Variants in PRKDC observed in about 807,000 individuals in gnomAD.
PRKDC encodes protein kinase, DNA-activated, catalytic subunit, also known as DNA-dependent protein kinase catalytic subunit.
PRKDC carries 82 observed loss-of-function variants against 486.9 expected under a neutral mutation model. The observed-to-expected ratio is 0.17, with a 90% CI of 0.14 to 0.20. PRKDC has a LOEUF of 0.20. PRKDC is among the 10% of genes least tolerant of loss of function. The pLI is 1.00. For missense variants in PRKDC, 4,504 were observed against 5,038.2 expected (o/e 0.89, Z 3.21); for synonymous variants, 1,895 against 1,837.0 (o/e 1.03, Z -0.81).
At chr8:47,936,782 A>ATT (rs869164665) in intron 11 of PRKDC, among the ~76,000 whole-genome samples, 3 of 128,674 alleles carry the variant, frequency 2.3e-5, no homozygotes, top group African/African-American at 8.6e-5. Flanking sequence ...ACGCCTGGCT[A>ATT]TTTTTTTTTT....
At chr8:47,776,804 T>C in intron 85 of PRKDC, 40 bp downstream of exon 85, 1 of 1,609,974 alleles carries the variant, frequency 6.2e-7, no homozygotes, top group Non-Finnish European at 8.5e-7. Context: ...CAGTAGCATG[T>C]CGGTAGTCCG....
intron 77 of PRKDC, chr8:47,784,134 T>G (rs1371914808): frequency 1.7e-5 from 4 of 233,942 alleles, no homozygotes; most frequent in Non-Finnish European, 8.5e-6. Flanking sequence ...GGTGGGCGCC[T>G]ATAGTCCCAG....
chr8:47,949,768 A>G (rs2090597277), intron 7 of PRKDC, among the ~76,000 whole-genome samples: 2 of 152,186 alleles, frequency 1.3e-5, no homozygotes, highest in Non-Finnish European at 2.9e-5. Context: ...AGGAGAGAGG[A>G]GAGAGAAGAC....
At chr8:47,797,815 G>A (rs980575327) in intron 73 of PRKDC, among the ~76,000 whole-genome samples, 10 of 152,210 alleles carry the variant, frequency 6.6e-5, no homozygotes, top group African/African-American at 2.4e-4. Flanking sequence ...TGGACACCGT[G>A]CTGCTGGCAG....
chr8:47,873,693 T>C (rs1032599787), intron 40 of PRKDC, among the ~76,000 whole-genome samples: 1 of 152,204 alleles, frequency 6.6e-6, no homozygotes, highest in Non-Finnish European at 1.5e-5. Flanking sequence ...AATGAGATAC[T>C]GTCATTTGGA....
At chr8:47,807,729 T>C (rs2087246435) in intron 68 of PRKDC, among the ~76,000 whole-genome samples, 1 of 151,682 alleles carries the variant, frequency 6.6e-6, no homozygotes, top group Non-Finnish European at 1.5e-5. Flanking sequence ...ACTTATTTTT[T>C]TTTTGAGATG....
intron 44 of PRKDC, among the ~76,000 whole-genome samples, chr8:47,861,581 T>C (rs1335358620): frequency 1.3e-5 from 2 of 152,182 alleles, no homozygotes; most frequent in Admixed American, 1.3e-4. Flanking sequence ...CCATTTCCAA[T>C]GGGTGCTGAA....
Position 47,879,522 on chromosome 8 carries a change from C to T in PRKDC, c.5204G>A (p.Arg1735Gln), listed in dbSNP as rs756568122. 23 of 1,596,202 alleles carry T rather than the reference C, an allele frequency of 1.4e-5. No homozygotes were observed. The highest frequency in any genetic ancestry group is 1.9e-5 in the Non-Finnish European group (22 of 1,171,022). The change falls in exon 39 of 86, where the codon CGG becomes CAG. Residue 1735 changes from arginine (R) to glutamine (Q), a missense_variant. Arg to Gln is a conservative substitution (Grantham distance 43). Coordinates refer to ENST00000314191, the MANE Select transcript of PRKDC (RefSeq NM_006904.7). Reference protein sequence around the residue: ...QSREFPPGTPRFNNYVDCMKK... With the variant: ...QSREFPPGTPQFNNYVDCMKK... ...CATGCAGTCCACATAATTATTGAAC[C>T]GCGGAGTTCCTGGAGGAAATTCCCT...
chr8:47,838,561 A>G (rs1192077772), intron 56 of PRKDC, among the ~76,000 whole-genome samples: 1 of 151,422 alleles, frequency 6.6e-6, no homozygotes, highest in Non-Finnish European at 1.5e-5. Flanking sequence ...ACAGTGAGCT[A>G]CAGTTACACT....
At position 47,904,880 on chromosome 8, in the gene PRKDC, C is replaced by G; in HGVS notation, c.3031G>C (p.Glu1011Gln). 6.3e-7 allele frequency: 1 copy of G among 1,599,076 alleles called. No individual in the cohort carries two copies. The highest frequency in any genetic ancestry group is 8.6e-7 in the Non-Finnish European group (1 of 1,167,396). ...CAACTATTACTTACCAATATAGCTT[C>G]TAGTAAGGCAACAGTATCCTGACTT... The part of the protein sequence containing the change: ...FESQDTVALL[E>Q]AILDGIVDPV... Residue 1011 changes from glutamate (E) to glutamine (Q), a missense_variant, in exon 26 of 86, where the codon GAA becomes CAA. This residue lies in a region of PRKDC where 1,969 missense variants were observed against 2,068.9 expected (regional missense o/e 0.95). Coordinates refer to ENST00000314191, the MANE Select transcript of PRKDC (RefSeq NM_006904.7).
intron 10 of PRKDC, among the ~76,000 whole-genome samples, chr8:47,941,929 CAG>C (rs1306982210): frequency 6.6e-6 from 1 of 152,228 alleles, no homozygotes; most frequent in African/African-American, 2.4e-5. Flanking sequence ...GGATGTGAAA[CAG>C]AGATGTCTGC....
rs757560440 is a variant in PRKDC, at chr8:47,777,789, A to G, written c.11939T>C (p.Met3980Thr). 9 of 1,614,054 alleles carry G rather than the reference A, an allele frequency of 5.6e-6. No individual in the cohort carries two copies. The South Asian group carries it at 8.8e-5, about 16-fold the overall frequency. ...LMLPMKETGL[M>T]YSIMVHALRA... Reference sequence around the variant, plus strand: ...GAGTGCGTGTACCATGATGCTGTACATAAGGCCCGTTTCTTTCATTGGTAA... The same window carrying G: ...GAGTGCGTGTACCATGATGCTGTACGTAAGGCCCGTTTCTTTCATTGGTAA... Residue 3980 changes from methionine (M) to threonine (T), a missense_variant, in exon 84 of 86, where the codon ATG becomes ACG. By Grantham distance (81) the Met-to-Thr change is moderately conservative (BLOSUM62 -1). This residue lies in a region of PRKDC where 706 missense variants were observed against 945.0 expected (regional missense o/e 0.75). Coordinates refer to ENST00000314191, the MANE Select transcript of PRKDC (RefSeq NM_006904.7).
rs1293561784 is a variant in PRKDC at position 47,774,330 on chromosome 8, T to C, written c.12230A>G (p.Tyr4077Cys). The change falls in exon 86 of 86, where the codon TAT becomes TGT. Residue 4077 changes from tyrosine (Y) to cysteine (C), a missense_variant. Coordinates refer to ENST00000314191, the MANE Select transcript of PRKDC (RefSeq NM_006904.7). ...TTTGCTTCCTCGTGCCACAGCCACA[T>C]AGTCTCTGAAGGCAGGGGCCTTCTC... is the stretch of plus-strand genomic sequence containing the variant. Reference protein sequence around the residue: ...GHEKAPAFRDYVAVARGSKDH... With the variant: ...GHEKAPAFRDCVAVARGSKDH... 26 of 1,613,502 alleles carry C rather than the reference T, an allele frequency of 1.6e-5. No homozygotes were observed. The highest frequency in any genetic ancestry group is 2.2e-5 in the Non-Finnish European group (26 of 1,179,840).
chr8:47,853,969 G>T, intron 51 of PRKDC, 114 bp downstream of exon 51: 1 of 1,369,354 alleles, frequency 7.3e-7, no homozygotes, highest in Non-Finnish European at 1.0e-6. Flanking sequence ...GCCTGGCCCA[G>T]AAACATTTGT....
At chr8:47,909,784 T>C (rs908273038) in intron 25 of PRKDC, among the ~76,000 whole-genome samples, 4 of 152,170 alleles carry the variant, frequency 2.6e-5, no homozygotes, top group South Asian at 2.1e-4. Flanking sequence ...GACTGAAATA[T>C]GGCCTTGTCT....
At chr8:47,831,686 G>T in intron 60 of PRKDC, 128 bp downstream of exon 60, 1 of 978,968 alleles carries the variant, frequency 1.0e-6, no homozygotes, top group Non-Finnish European at 1.6e-6. Context: ...AGGCTGGTTT[G>T]GAGCAGTCCC....
At chr8:47,856,587 C>T (rs552310143) in intron 49 of PRKDC, among the ~76,000 whole-genome samples, 15 of 152,220 alleles carry the variant, frequency 9.9e-5, no homozygotes, top group African/African-American at 2.9e-4. Flanking sequence ...CACATGAAAA[C>T]GTTTGTATGC....
At chr8:47,888,423 C>G (rs559121837) in intron 34 of PRKDC, 95 bp downstream of exon 34, 78 of 1,112,218 alleles carry the variant, frequency 7.0e-5, no homozygotes, top group Non-Finnish European at 8.8e-5. Flanking sequence ...TCAGCATGCT[C>G]AATACATAAA....
At chr8:47,916,789 G>C (rs1044165715) in intron 22 of PRKDC, among the ~76,000 whole-genome samples, 2 of 152,114 alleles carry the variant, frequency 1.3e-5, no homozygotes, top group East Asian at 3.9e-4. Flanking sequence ...CTCACACACG[G>C]AGTATTTTTA....
Sources: allele counts gnomAD v4.1 joint callset (sites outside exome capture counted in the v4.1 genomes callset), GRCh38; gene constraint gnomAD v4.1.1; regional missense constraint gnomAD v4.1.1; transcripts MANE v1.5; gene names NCBI Gene and HGNC (gene_info 2026-07-23, HGNC 2026-07-21).